Variants in COMMD7 observed in about 807,000 individuals in gnomAD.
The protein encoded by COMMD7 is COMM domain containing 7, also known as COMM domain-containing protein 7.
A neutral mutation model predicts 34.8 loss-of-function variants in COMMD7; 28 were observed. That is an observed-to-expected ratio of 0.80 (90% CI 0.60 to 1.10). COMMD7 has a LOEUF of 1.10. Ranked by LOEUF, COMMD7 falls within the 50% of genes least tolerant of loss-of-function variation. The probability of loss-of-function intolerance (pLI) is 0.00; values close to 1 mark genes in which losing one functional copy is unlikely to be tolerated. For synonymous variants in COMMD7, 80 were observed against 86.4 expected (o/e 0.93, Z 0.41); for missense variants, 211 against 241.6 (o/e 0.87, Z 0.84).
At chr20:32,743,214 C>T (rs1213004353) in intron 1 of COMMD7, 94 bp downstream of exon 1, 14 of 1,069,914 alleles carry the variant, frequency 1.3e-5, no homozygotes, top group Non-Finnish European at 2.6e-6. Flanking sequence ...TAGTCTCTCC[C>T]AACTCCCGCG....
intron 3 of COMMD7, among the ~76,000 whole-genome samples, chr20:32,716,411 C>G (rs1216328585): frequency 6.6e-6 from 1 of 151,984 alleles, no homozygotes; most frequent in Non-Finnish European, 1.5e-5. Context: ...GTCAGGAGAT[C>G]TAGACCATCC....
Position 32,737,947 on chromosome 20 carries a change from T to TA in COMMD7, c.84+5360dup, listed in dbSNP as rs34007684. On this transcript the variant is annotated intron_variant, in intron 1 of 8. Coordinates refer to ENST00000278980, the MANE Select transcript of COMMD7 (RefSeq NM_053041.3). ...TTACAGATCATACAATCCAGTATCT[T>TA]AAAAAAAAAAAAAAGAAAAAAACTT... is the stretch of plus-strand genomic sequence containing the variant. Among the ~76,000 whole-genome samples, 161 of 144,760 alleles carry TA rather than the reference T, an allele frequency of 1.1e-3. 1 individual carries two copies. The highest frequency in any genetic ancestry group is 6.9e-3 in the Middle Eastern group (2 of 290). The allele number at this position is 144,760 out of a possible 152,430, so 95.0% of individuals were successfully genotyped here.
At chr20:32,730,721 G>A (rs1204519092) in intron 1 of COMMD7, among the ~76,000 whole-genome samples, 7 of 152,052 alleles carry the variant, frequency 4.6e-5, no homozygotes, top group Admixed American at 4.6e-4. Context: ...GTCCCCACGA[G>A]GAAAACAAAG....
Position 32,706,601 on chromosome 20 carries a change from G to A in COMMD7, c.318C>T (p.Ala106=). 2 of 1,609,070 alleles carry A rather than the reference G, an allele frequency of 1.2e-6. No homozygotes were observed. The highest frequency in any genetic ancestry group is 4.5e-5 in the East Asian group (2 of 44,842). The change falls in exon 5 of 9, where the codon GCC becomes GCT. Residue 106 remains alanine (A), a synonymous_variant. Coordinates refer to ENST00000278980, the MANE Select transcript of COMMD7 (RefSeq NM_053041.3). The part of the protein sequence containing the change: ...FITLGLSEEK[A]TYFSEKWKQN... ...ATTATACCTTTTCAGAAAAGTAAGT[G>A]GCTTTCTCCTCACTAAGACCTATAA...
At position 32,706,687 on chromosome 20, in the gene COMMD7, C is replaced by T; in HGVS notation, c.298+17G>A. The T allele has an allele frequency of 6.2e-7, 1 of 1,613,570 alleles. No homozygotes were observed. The highest frequency in any genetic ancestry group is 8.5e-7 in the Non-Finnish European group (1 of 1,179,668). On this transcript the variant is annotated intron_variant, in intron 4 of 8. Coordinates refer to ENST00000278980, the MANE Select transcript of COMMD7 (RefSeq NM_053041.3). ...TCAGAAGCCAGTCACCCTGAGCAAC[C>T]CTGGCCAATGACCTACCCAGAGTTA...
Position 32,706,561 on chromosome 20 carries a change from C to T in COMMD7, c.336+22G>A, listed in dbSNP as rs201750547. 5.0e-4 allele frequency: 782 copies of T among 1,573,320 alleles called. 1 individual carries two copies. Among genetic ancestry groups the T allele is most frequent in the Non-Finnish European group, 6.5e-4 (749 of 1,146,506 alleles). ...GCAAGGGATCTTAATCAGCCATTAA[C>T]CTTGATTAAGAGGAATTATACCTTT... On this transcript the variant is annotated intron_variant, in intron 5 of 8. Transcript: ENST00000278980.
At position 32,721,710 on chromosome 20, in the gene COMMD7, T is replaced by C. The variant is rs996868088; in HGVS notation, c.241+6183A>G. Among the ~76,000 whole-genome samples the C allele has an allele frequency of 9.9e-5, 15 of 152,156 alleles. No homozygotes were observed. The East Asian group carries it at 2.3e-3, about 23-fold the overall frequency. ...GCCTGACCAACATGGAGAAACATCA[T>C]CTCTACTAAAAATACAAAAAACAAA... is the stretch of plus-strand genomic sequence containing the variant. On this transcript the variant is annotated intron_variant, in intron 3 of 8. Coordinates refer to ENST00000278980, the MANE Select transcript of COMMD7 (RefSeq NM_053041.3).
chr20:32,729,808 C>T (rs1187825709), intron 1 of COMMD7, among the ~76,000 whole-genome samples: 3 of 151,530 alleles, frequency 2.0e-5, no homozygotes, highest in Non-Finnish European at 4.4e-5. Context: ...AGTTTGAGAC[C>T]AGCCTGGCCA....
chr20:32,712,359 T>G (rs1984512983), intron 3 of COMMD7, among the ~76,000 whole-genome samples: 3 of 145,950 alleles, frequency 2.1e-5, no homozygotes, highest in Admixed American at 1.4e-4. Context: ...AGTATAAAAA[T>G]TAGCTGGGCA....
chr20:32,706,977 A>AG (rs1333665396), intron 3 of COMMD7, among the ~76,000 whole-genome samples: 1 of 151,942 alleles, frequency 6.6e-6, no homozygotes, highest in Non-Finnish European at 1.5e-5. Context: ...TTTATTTAAA[A>AG]AATATATTTA....
chr20:32,718,568 A>G (rs1283016998), intron 3 of COMMD7, among the ~76,000 whole-genome samples: 3 of 151,666 alleles, frequency 2.0e-5, no homozygotes, highest in Admixed American at 2.0e-4. Context: ...GCGTGACGGC[A>G]TGGGCCTGTA....
chr20:32,743,431 G>C lies in COMMD7; in HGVS notation c.-40C>G. On this transcript the variant is annotated 5_prime_UTR_variant, in exon 1 of 9. Transcript: ENST00000278980. ...CCCCGCAGGTTCCACCGCCGCCGCC[G>C]CCCTGCTCAGCTTCCTCCTCCGCTG... The C allele has an allele frequency of 1.6e-6, 2 of 1,267,760 alleles. No individual in the cohort carries two copies. Among genetic ancestry groups the C allele is most frequent in the Non-Finnish European group, 2.0e-6 (2 of 996,620 alleles). The allele number at this position is 1,267,760 out of a possible 1,614,324, so 78.5% of individuals were successfully genotyped here. A position where few individuals can be genotyped will look rare whatever the true frequency, so the allele number is the denominator to read the frequency against.
chr20:32,739,440 T>C (rs1474724405), intron 1 of COMMD7, among the ~76,000 whole-genome samples: 3 of 151,206 alleles, frequency 2.0e-5, no homozygotes, highest in African/African-American at 7.3e-5. Flanking sequence ...GGTCAGGAGA[T>C]AAAGACCATC....
chr20:32,709,319 C>A (rs1984281369), intron 3 of COMMD7, among the ~76,000 whole-genome samples: 1 of 151,770 alleles, frequency 6.6e-6, no homozygotes, highest in Non-Finnish European at 1.5e-5. Context: ...CCTGTAGTCC[C>A]AGCTACTTGG....
intron 3 of COMMD7, among the ~76,000 whole-genome samples, chr20:32,713,134 CGCCTCCCAGGT>C (rs1568777205): frequency 6.6e-6 from 1 of 150,958 alleles, no homozygotes; most frequent in East Asian, 2.0e-4. Flanking sequence ...CTGCAACCTC[CGCCTCCCAGGT>C]GCAAGAGATT....
intron 5 of COMMD7, 103 bp downstream of exon 5, chr20:32,706,480 C>T (rs1207097803): frequency 1.0e-5 from 9 of 876,442 alleles, no homozygotes; most frequent in Non-Finnish European, 1.4e-5. Flanking sequence ...ACTGCCACTG[C>T]ACTCCAGCCT....
At chr20:32,718,190 G>T (rs1307935106) in intron 3 of COMMD7, among the ~76,000 whole-genome samples, 1 of 151,000 alleles carries the variant, frequency 6.6e-6, no homozygotes, top group South Asian at 2.1e-4. Context: ...AGATCACAAG[G>T]TCAGGAGATC....
At chr20:32,734,215 T>C (rs1447628265) in intron 1 of COMMD7, among the ~76,000 whole-genome samples, 9 of 145,622 alleles carry the variant, frequency 6.2e-5, no homozygotes, top group African/African-American at 1.8e-4. Context: ...TGCCTCACGC[T>C]TGTAATCCCA....
chr20:32,733,663 G>A (rs1022200816), intron 1 of COMMD7, among the ~76,000 whole-genome samples: 3 of 149,514 alleles, frequency 2.0e-5, no homozygotes, highest in Non-Finnish European at 3.0e-5. Context: ...GTTGCAGTGA[G>A]CCGAGATTGC....
Sources: allele counts gnomAD v4.1 joint callset (sites outside exome capture counted in the v4.1 genomes callset), GRCh38; gene constraint gnomAD v4.1.1; transcripts MANE v1.5; gene names NCBI Gene and HGNC (gene_info 2026-07-23, HGNC 2026-07-21).